Variants in SERGEF observed in about 807,000 individuals in gnomAD.
The protein encoded by SERGEF is secretion regulating guanine nucleotide exchange factor.
SERGEF carries 51 observed loss-of-function variants against 50.0 expected under a neutral mutation model. That is an observed-to-expected ratio of 1.02 (90% CI 0.81 to 1.29). The LOEUF (loss-of-function observed/expected upper bound fraction) is 1.29, where lower values mean the gene tolerates loss of function less well. Ranked by LOEUF, SERGEF falls within the 50% of genes most tolerant of loss-of-function variation. The pLI is 0.00. For synonymous variants in SERGEF, 205 were observed against 212.4 expected (o/e 0.97, Z 0.30); for missense variants, 521 against 557.0 (o/e 0.94, Z 0.65).
chr11:17,834,944 T>C (rs146270983), intron 10 of SERGEF, among the ~76,000 whole-genome samples: 10 of 152,348 alleles, frequency 6.6e-5, no homozygotes, highest in African/African-American at 2.4e-4. Flanking sequence ...GTGTGTCTCC[T>C]ACCCACTTAG....
At chr11:17,981,736 A>G (rs540607738) in intron 8 of SERGEF, among the ~76,000 whole-genome samples, 2 of 152,158 alleles carry the variant, frequency 1.3e-5, no homozygotes, top group South Asian at 2.1e-4. Context: ...CTCCACACAC[A>G]TATCCTTAAA....
At chr11:17,829,710 C>A (rs1850260386) in intron 10 of SERGEF, among the ~76,000 whole-genome samples, 1 of 152,128 alleles carries the variant, frequency 6.6e-6, no homozygotes. Context: ...AACCTACAAA[C>A]AAAATCCCTA....
chr11:17,892,618 T>C (rs1480504900), intron 9 of SERGEF, among the ~76,000 whole-genome samples: 1 of 152,190 alleles, frequency 6.6e-6, no homozygotes, highest in Non-Finnish European at 1.5e-5. Flanking sequence ...TTACGTAACA[T>C]TACTGTGGCG....
Position 18,012,962 on chromosome 11 carries a change from G to A in SERGEF, c.49C>T (p.Leu17Phe), listed in dbSNP as rs764517565. The A allele has an allele frequency of 1.4e-5, 21 of 1,481,404 alleles. No individual in the cohort carries two copies. In the Admixed American group the frequency reaches 4.6e-4, roughly 32 times the overall value. 91.8% of individuals were successfully genotyped at this position (1,481,404 alleles called of 1,614,324 possible). ...ASEAAPAAAALFAWGANSYGQ... is the reference protein window; with the variant it reads ...ASEAAPAAAAFFAWGANSYGQ... ...GCGGAGTCACGTACCCAGGCGAAGA[G>A]CGCGGCCGCCGCGGGGGCGGCCTCC... The change falls in exon 1 of 11, where the codon CTC becomes TTC. Residue 17 changes from leucine to phenylalanine, a missense_variant. By Grantham distance (22) the Leu-to-Phe change is conservative. Coordinates refer to ENST00000265965, the MANE Select transcript of SERGEF (RefSeq NM_012139.4).
In SERGEF at chr11:17,992,960, G is replaced by A; in HGVS notation, c.656C>T (p.Ala219Val). 4 of 1,614,096 alleles carry A rather than the reference G, an allele frequency of 2.5e-6. No homozygotes were observed. The highest frequency in any genetic ancestry group is 3.4e-6 in the Non-Finnish European group (4 of 1,179,926). Reference sequence around the variant, plus strand: ...TAATGAAGCTGAGTGGTCTGAGCCAGCAAGAACACACATTGCTTTAGAATT... The same window carrying A: ...TAATGAAGCTGAGTGGTCTGAGCCAACAAGAACACACATTGCTTTAGAATT... The part of the protein sequence containing the change: ...LENSKAMCVL[A>V]GSDHSASLTD... The change falls in exon 7 of 11, where the codon GCT (alanine) becomes GTT (valine). Residue 219 changes from alanine to valine, a missense_variant. By Grantham distance (64) the Ala-to-Val change is moderately conservative. Coordinates refer to ENST00000265965, the MANE Select transcript of SERGEF (RefSeq NM_012139.4).
At chr11:17,833,906 T>C (rs1417062770) in intron 10 of SERGEF, among the ~76,000 whole-genome samples, 1 of 152,182 alleles carries the variant, frequency 6.6e-6, no homozygotes, top group Non-Finnish European at 1.5e-5. Flanking sequence ...TACAGACTCA[T>C]AGGCAGAAGG....
At chr11:17,835,900 A>C (rs957087602) in intron 10 of SERGEF, among the ~76,000 whole-genome samples, 2 of 152,228 alleles carry the variant, frequency 1.3e-5, no homozygotes, top group African/African-American at 4.8e-5. Flanking sequence ...TATTAGAATT[A>C]TAAATGATAA....
At chr11:17,894,427 T>C (rs966211570) in intron 9 of SERGEF, among the ~76,000 whole-genome samples, 2 of 152,226 alleles carry the variant, frequency 1.3e-5, no homozygotes, top group South Asian at 4.1e-4. Flanking sequence ...TAAAAGCACA[T>C]AGCTAGTAAG....
At chr11:17,922,791 T>C (rs1852183173) in intron 9 of SERGEF, among the ~76,000 whole-genome samples, 4 of 152,220 alleles carry the variant, frequency 2.6e-5, no homozygotes, top group Admixed American at 6.5e-5. Flanking sequence ...CTAAATAACA[T>C]ACCATGCACC....
chr11:18,006,075 C>G (rs562020124), intron 3 of SERGEF, among the ~76,000 whole-genome samples: 1 of 152,376 alleles, frequency 6.6e-6, no homozygotes, highest in South Asian at 2.1e-4. Context: ...CAATCCCAGT[C>G]TCCTTTACCG....
At chr11:17,915,531 T>C (rs746062435) in intron 9 of SERGEF, among the ~76,000 whole-genome samples, 2 of 152,188 alleles carry the variant, frequency 1.3e-5, no homozygotes, top group Non-Finnish European at 2.9e-5. Context: ...ACTTTTTCCA[T>C]TAGCAAGAAA....
intron 10 of SERGEF, among the ~76,000 whole-genome samples, chr11:17,830,332 G>A (rs1417540596): frequency 3.3e-5 from 5 of 152,148 alleles, no homozygotes; most frequent in African/African-American, 1.2e-4. Flanking sequence ...GCCTTTCCTG[G>A]AGCTATTCAT....
chr11:17,851,244 T>A (rs1389688447), intron 10 of SERGEF, among the ~76,000 whole-genome samples: 1 of 152,154 alleles, frequency 6.6e-6, no homozygotes, highest in African/African-American at 2.4e-5. Context: ...AAACCTATGC[T>A]CAGAGGAGTT....
chr11:17,844,793 TAG>T (rs1850572669), intron 10 of SERGEF, among the ~76,000 whole-genome samples: 2 of 151,992 alleles, frequency 1.3e-5, no homozygotes, highest in African/African-American at 2.4e-5. Context: ...GCCAGGGGTA[TAG>T]AGAGGCTCTA....
At chr11:17,909,961 C>T (rs1851918079) in intron 9 of SERGEF, among the ~76,000 whole-genome samples, 3 of 152,172 alleles carry the variant, frequency 2.0e-5, no homozygotes, top group Non-Finnish European at 2.9e-5. Flanking sequence ...AGATGCTTCA[C>T]ATTTCTTCTC....
At chr11:17,824,483 G>A (rs1165342032) in intron 10 of SERGEF, among the ~76,000 whole-genome samples, 1 of 152,192 alleles carries the variant, frequency 6.6e-6, no homozygotes, top group Non-Finnish European at 1.5e-5. Flanking sequence ...AATCTTGTGG[G>A]GGGATATCAT....
intron 1 of SERGEF, chr11:18,010,206 T>C: frequency 1.7e-6 from 1 of 603,612 alleles, no homozygotes; most frequent in Non-Finnish European, 2.5e-6. Flanking sequence ...CATACATACA[T>C]ACATAATCCT....
At chr11:17,927,065 C>T (rs979996309) in intron 9 of SERGEF, among the ~76,000 whole-genome samples, 2 of 152,304 alleles carry the variant, frequency 1.3e-5, no homozygotes, top group Admixed American at 1.3e-4. Flanking sequence ...CTACTCTATT[C>T]CCGGTATGCC....
intron 9 of SERGEF, among the ~76,000 whole-genome samples, chr11:17,956,974 T>A (rs1226804676): frequency 6.6e-6 from 1 of 152,180 alleles, no homozygotes; most frequent in Non-Finnish European, 1.5e-5. Context: ...AGCAAATACA[T>A]GCCTAGCAGG....
Sources: gnomAD v4.1 joint callset for allele counts (sites outside exome capture counted in the v4.1 genomes callset) on GRCh38, gnomAD v4.1.1 for gene constraint, MANE v1.5 for transcripts, NCBI Gene and HGNC (gene_info 2026-07-23, HGNC 2026-07-21) for gene names.